The following TLL1 variants were observed in gnomAD, a reference collection of about 807,000 sequenced individuals.
TLL1 encodes tolloid-like protein 1.
TLL1 carries 49 observed loss-of-function variants against 128.2 expected under a neutral mutation model. The ratio of observed to expected loss-of-function variants is 0.38; its 90% CI spans 0.30 to 0.48. The LOEUF (loss-of-function observed/expected upper bound fraction) is 0.48. Ranked by LOEUF, TLL1 falls within the 20% of genes least tolerant of loss-of-function variation. The pLI is 0.96. For synonymous variants in TLL1, 454 were observed against 418.8 expected, an observed-to-expected ratio of 1.08 and a Z score of -1.03; for missense variants, 1,123 against 1,242.0, an observed-to-expected ratio of 0.90 and a Z score of 1.44.
At chr4:166,035,161 G>A (rs1215809043) in intron 9 of TLL1, among the ~76,000 whole-genome samples, 3 of 152,164 alleles carry the variant, frequency 2.0e-5, no homozygotes, top group Non-Finnish European at 4.4e-5. Context: ...TGACTAGTGA[G>A]TGATGATTCA....
At chr4:165,934,552 A>G (rs934938071) in intron 1 of TLL1, among the ~76,000 whole-genome samples, 4 of 152,232 alleles carry the variant, frequency 2.6e-5, no homozygotes, top group African/African-American at 9.6e-5. Flanking sequence ...ACAAGACCTG[A>G]CATCCCCCTT....
chr4:165,892,182 A>T (rs980613033), intron 1 of TLL1, among the ~76,000 whole-genome samples: 2 of 152,202 alleles, frequency 1.3e-5, no homozygotes, highest in African/African-American at 4.8e-5. Context: ...TACTGCTCCC[A>T]TGATTCAATT....
intron 12 of TLL1, among the ~76,000 whole-genome samples, chr4:166,045,625 T>C (rs1400407516): frequency 6.6e-6 from 1 of 152,150 alleles, no homozygotes; most frequent in Non-Finnish European, 1.5e-5. Flanking sequence ...ACTGCGCTAC[T>C]GACAGGGGAT....
chr4:165,993,582 A>C (rs1253361490), intron 3 of TLL1, among the ~76,000 whole-genome samples: 1 of 152,158 alleles, frequency 6.6e-6, no homozygotes, highest in East Asian at 1.9e-4. Flanking sequence ...GACATGTTAG[A>C]GACAGAGTCC....
At chr4:165,961,295 A>C (rs1261367207) in intron 1 of TLL1, among the ~76,000 whole-genome samples, 1 of 152,198 alleles carries the variant, frequency 6.6e-6, no homozygotes, top group Non-Finnish European at 1.5e-5. Context: ...GGAGAACTAC[A>C]AAACACAGTT....
chr4:166,034,088 T>C (rs1342466290), intron 9 of TLL1, among the ~76,000 whole-genome samples: 1 of 152,186 alleles, frequency 6.6e-6, no homozygotes, highest in East Asian at 1.9e-4. Flanking sequence ...TCTATTAAAA[T>C]AGATGTATCT....
intron 14 of TLL1, among the ~76,000 whole-genome samples, chr4:166,058,710 A>G (rs1307332587): frequency 4.6e-5 from 7 of 152,108 alleles, no homozygotes; most frequent in Non-Finnish European, 8.8e-5. Context: ...ATTCATCTTC[A>G]TAGAATGTGT....
intron 9 of TLL1, chr4:166,030,337 C>T: frequency 5.0e-6 from 2 of 402,094 alleles, no homozygotes; most frequent in Non-Finnish European, 8.8e-6. Context: ...AGTCTTTTGC[C>T]TATGTTTAAA....
At chr4:165,911,981 T>C (rs986439400) in intron 1 of TLL1, among the ~76,000 whole-genome samples, 1 of 152,110 alleles carries the variant, frequency 6.6e-6, no homozygotes, top group Non-Finnish European at 1.5e-5. Flanking sequence ...GTTCACGCCA[T>C]TCTCCTGCCT....
intron 1 of TLL1, among the ~76,000 whole-genome samples, chr4:165,978,259 T>C (rs1399970268): frequency 6.6e-6 from 1 of 152,086 alleles, no homozygotes; most frequent in Non-Finnish European, 1.5e-5. Context: ...CTGTGTTGGT[T>C]GTTCATTGTT....
In TLL1 at chr4:166,055,161, G is replaced by A. The variant is rs1286031560; in HGVS notation, c.1610G>A (p.Cys537Tyr). ...AATAGCCCTTTGATAGGGCGTTTCT[G>A]TGGTTATGACAAACCTGAAGACATA... ...SENSPLIGRFCGYDKPEDIRS... is the reference protein window; with the variant it reads ...SENSPLIGRFYGYDKPEDIRS... Residue 537 changes from cysteine (C) to tyrosine (Y), a missense_variant, in exon 13 of 21, where the codon TGT (cysteine) becomes TAT (tyrosine). Cys to Tyr is a radical substitution (Grantham distance 194). Around this residue, in one of 3 missense-constraint regions of TLL1, gnomAD observed 634 missense variants for 672.4 expected, o/e 0.94. Coordinates refer to ENST00000061240, the MANE Select transcript of TLL1 (RefSeq NM_012464.5). 1 of 1,613,534 alleles carries A rather than the reference G, an allele frequency of 6.2e-7. No individual in the cohort carries two copies. Among genetic ancestry groups the A allele is most frequent in the Non-Finnish European group, 8.5e-7 (1 of 1,179,704 alleles).
intron 1 of TLL1, among the ~76,000 whole-genome samples, chr4:165,948,408 G>T (rs140320044): frequency 6.6e-6 from 1 of 152,186 alleles, no homozygotes; most frequent in Non-Finnish European, 1.5e-5. Context: ...TTGAGTTGTT[G>T]CTATAATGGA....
intron 1 of TLL1, among the ~76,000 whole-genome samples, chr4:165,895,803 G>A (rs148243607): frequency 6.6e-6 from 1 of 151,970 alleles, no homozygotes; most frequent in Non-Finnish European, 1.5e-5. Flanking sequence ...TCAAGACAGG[G>A]CATGTTTTGG....
At chr4:165,933,690 A>G (rs1024251955) in intron 1 of TLL1, among the ~76,000 whole-genome samples, 9 of 152,116 alleles carry the variant, frequency 5.9e-5, no homozygotes, top group African/African-American at 2.2e-4. Context: ...CTTCTTACCT[A>G]GAATAGCAGC....
At chr4:165,916,113 G>C (rs1216598416) in intron 1 of TLL1, among the ~76,000 whole-genome samples, 1 of 152,112 alleles carries the variant, frequency 6.6e-6, no homozygotes, top group Non-Finnish European at 1.5e-5. Context: ...TAGAGAGCTG[G>C]AAGGGATCTT....
At chr4:165,899,872 C>T (rs1448568193) in intron 1 of TLL1, among the ~76,000 whole-genome samples, 2 of 152,040 alleles carry the variant, frequency 1.3e-5, no homozygotes, top group Non-Finnish European at 2.9e-5. Flanking sequence ...CTTTGTAGGT[C>T]TCTAAGAACT....
chr4:165,907,102 G>A (rs1732294566), intron 1 of TLL1, among the ~76,000 whole-genome samples: 1 of 151,988 alleles, frequency 6.6e-6, no homozygotes, highest in Non-Finnish European at 1.5e-5. Context: ...ATATATCAAT[G>A]GTCTCAAAAA....
At chr4:166,072,220 T>G (rs565921140) in intron 16 of TLL1, among the ~76,000 whole-genome samples, 1 of 152,158 alleles carries the variant, frequency 6.6e-6, no homozygotes, top group East Asian at 1.9e-4. Flanking sequence ...TTCATTTTCA[T>G]GCACCCTTGA....
chr4:166,039,906 C>T (rs1739168481), intron 10 of TLL1, among the ~76,000 whole-genome samples: 2 of 152,128 alleles, frequency 1.3e-5, no homozygotes, highest in African/African-American at 4.8e-5. Flanking sequence ...CATATTAACT[C>T]TTATTATATT....
Sources: allele counts gnomAD v4.1 joint callset (sites outside exome capture counted in the v4.1 genomes callset), GRCh38; gene constraint gnomAD v4.1.1; regional missense constraint gnomAD v4.1.1; transcripts MANE v1.5; gene names NCBI Gene and HGNC (gene_info 2026-07-23, HGNC 2026-07-21).